Variants in FHIT observed in about 807,000 individuals in gnomAD.
FHIT encodes the protein fragile histidine triad diadenosine triphosphatase.
A neutral mutation model predicts 17.9 loss-of-function variants in FHIT; 19 were observed. That is an observed-to-expected ratio of 1.06 (90% confidence interval 0.74 to 1.56). The LOEUF (loss-of-function observed/expected upper bound fraction) is 1.56. Ranked by LOEUF, FHIT falls within the 40% of genes most tolerant of loss-of-function variation. The pLI is 0.00. For missense variants in FHIT, 248 were observed against 189.2 expected (o/e 1.31, Z -1.82); for synonymous variants, 81 against 69.7 (o/e 1.16, Z -0.81).
At chr3:59,846,239 T>C (rs1240560217) in intron 8 of FHIT, among the ~76,000 whole-genome samples, 4 of 152,118 alleles carry the variant, frequency 2.6e-5, no homozygotes, top group African/African-American at 9.6e-5. Context: ...ATTAAATTCC[T>C]TTTCGATTTT....
At chr3:61,021,323 G>T (rs187104992) in intron 3 of FHIT, among the ~76,000 whole-genome samples, 27 of 152,172 alleles carry the variant, frequency 1.8e-4, no homozygotes, top group Admixed American at 9.8e-4. Context: ...AATCAGGCCG[G>T]GCGCGGTGGC....
At chr3:59,953,916 T>G (rs909990935) in intron 7 of FHIT, among the ~76,000 whole-genome samples, 1 of 152,218 alleles carries the variant, frequency 6.6e-6, no homozygotes, top group African/African-American at 2.4e-5. Context: ...AGTTTGAGTG[T>G]GTTAATGGAG....
chr3:61,112,114 T>C (rs1368833732), intron 2 of FHIT, among the ~76,000 whole-genome samples: 1 of 152,216 alleles, frequency 6.6e-6, no homozygotes, highest in African/African-American at 2.4e-5. Context: ...AAAATTTCAC[T>C]GTCTGACTTC....
At chr3:59,999,576 TAGAC>T (rs1483480187) in intron 7 of FHIT, among the ~76,000 whole-genome samples, 2 of 152,134 alleles carry the variant, frequency 1.3e-5, no homozygotes, top group Admixed American at 1.3e-4. Context: ...TGTCTTCTGT[TAGAC>T]ATAGTAAAAA....
chr3:61,067,373 T>C (rs535282542), intron 2 of FHIT, among the ~76,000 whole-genome samples: 59 of 152,186 alleles, frequency 3.9e-4, no homozygotes, highest in Middle Eastern at 3.4e-3. Flanking sequence ...TAGGAAAGAA[T>C]CCAGGAGAAA....
intron 8 of FHIT, among the ~76,000 whole-genome samples, chr3:59,773,888 A>AT (rs1702183273): frequency 3.9e-5 from 6 of 152,320 alleles, no homozygotes; most frequent in Middle Eastern, 3.4e-3. Flanking sequence ...TGCAGGTGTA[A>AT]AGTACATACC....
Position 60,973,206 on chromosome 3 carries a change from T to G in FHIT, c.-111+68841A>C, listed in dbSNP as rs9826292. On this transcript the variant is annotated intron_variant, in intron 3 of 9. Transcript: ENST00000492590. ...ATTTGATTTTCTTCTGGCAGGCAGA[T>G]AGAGTACAGGAAAATCATCTTAATC... is the stretch of plus-strand genomic sequence containing the variant. Among the ~76,000 whole-genome samples, 1,408 of 152,326 alleles carry G rather than the reference T, an allele frequency of 9.2e-3. 20 individuals are homozygous for G. The highest frequency in any genetic ancestry group is 0.031 in the African/African-American group (1,306 of 41,572).
chr3:60,011,577 G>C (rs1380233856), intron 6 of FHIT, among the ~76,000 whole-genome samples, 177 bp from the exon 7 acceptor site: 1 of 49,034 alleles, frequency 2.0e-5, no homozygotes, highest in Non-Finnish European at 5.7e-5. Flanking sequence ...ATTTCCGCCT[G>C]AGAGTAAGTG....
chr3:61,094,473 G>A (rs2035578575), intron 2 of FHIT, among the ~76,000 whole-genome samples: 1 of 152,114 alleles, frequency 6.6e-6, no homozygotes, highest in Admixed American at 6.5e-5. Flanking sequence ...ATTCAGCACA[G>A]TACTCAACAC....
chr3:60,041,450 G>T (rs549269681), intron 5 of FHIT, among the ~76,000 whole-genome samples: 1 of 152,226 alleles, frequency 6.6e-6, no homozygotes, highest in South Asian at 2.1e-4. Context: ...AATAATTACC[G>T]CCAAGGTTGG....
intron 4 of FHIT, among the ~76,000 whole-genome samples, chr3:60,560,544 C>T (rs895578935): frequency 2.6e-5 from 4 of 151,950 alleles, no homozygotes; most frequent in African/African-American, 9.7e-5. Context: ...CTTCCTGTTC[C>T]CTCACCCCAG....
At chr3:60,144,377 T>G (rs1169766033) in intron 5 of FHIT, among the ~76,000 whole-genome samples, 1 of 152,014 alleles carries the variant, frequency 6.6e-6, no homozygotes, top group Non-Finnish European at 1.5e-5. Flanking sequence ...CCCAAGGAGG[T>G]AGTTATTTTT....
intron 5 of FHIT, among the ~76,000 whole-genome samples, chr3:60,021,488 TGAGGGAA>T (rs1295609102): frequency 6.6e-6 from 1 of 152,176 alleles, no homozygotes; most frequent in African/African-American, 2.4e-5. Context: ...TTATACTGAT[TGAGGGAA>T]GAGCATCATA....
At chr3:60,940,234 C>T (rs1553774137) in intron 3 of FHIT, among the ~76,000 whole-genome samples, 1 of 152,086 alleles carries the variant, frequency 6.6e-6, no homozygotes, top group African/African-American at 2.4e-5. Flanking sequence ...TGGTTCTGCC[C>T]AGGTTTTGAT....
At chr3:59,992,557 C>T (rs1575837275) in intron 7 of FHIT, among the ~76,000 whole-genome samples, 1 of 152,070 alleles carries the variant, frequency 6.6e-6, no homozygotes, top group Non-Finnish European at 1.5e-5. Flanking sequence ...CTGGATCAAA[C>T]AGCTGATGAT....
chr3:60,200,869 A>T (rs1459618047), intron 5 of FHIT, among the ~76,000 whole-genome samples: 1 of 152,112 alleles, frequency 6.6e-6, no homozygotes, highest in African/African-American at 2.4e-5. Flanking sequence ...ATTTCCCAAG[A>T]TGTCTTTCTT....
chr3:60,710,146 A>T (rs1433555805), intron 4 of FHIT, among the ~76,000 whole-genome samples: 1 of 151,572 alleles, frequency 6.6e-6, no homozygotes, highest in African/African-American at 2.4e-5. Context: ...TTCAACAAGG[A>T]TATTCTTAGA....
rs969448330 is a variant in FHIT, at chr3:61,169,302, T to A, written c.-164+31315A>T. ...CAGTTTTATCTCAATTTGCAACTCA[T>A]CTTAACTCTCTTTTAGTCCATATAA... On this transcript the variant is annotated intron_variant, in intron 2 of 9. Coordinates refer to ENST00000492590, the MANE Select transcript of FHIT (RefSeq NM_002012.4). Among the ~76,000 whole-genome samples the A allele has an allele frequency of 3.3e-5, 5 of 152,308 alleles. No individual in the cohort carries two copies. In the East Asian group the frequency reaches 9.7e-4, roughly 29 times the overall value.
chr3:60,678,283 C>T (rs2040668220), intron 4 of FHIT, among the ~76,000 whole-genome samples: 1 of 152,160 alleles, frequency 6.6e-6, no homozygotes, highest in Non-Finnish European at 1.5e-5. Context: ...TATTTTCCTT[C>T]AAGGACACTT....
Sources: gnomAD v4.1 joint callset for allele counts (sites outside exome capture counted in the v4.1 genomes callset) on GRCh38, gnomAD v4.1.1 for gene constraint, MANE v1.5 for transcripts, NCBI Gene and HGNC (gene_info 2026-07-23, HGNC 2026-07-21) for gene names.